The following AOPEP variants were observed in gnomAD, a reference collection of about 807,000 sequenced individuals.
The protein encoded by AOPEP is aminopeptidase O (putative).
Under a neutral mutation model 98.1 loss-of-function variants are expected in AOPEP, and 77 were observed. The observed-to-expected ratio is 0.78, with a 90% confidence interval of 0.65 to 0.95. AOPEP has a LOEUF of 0.95. Ranked by LOEUF, AOPEP falls within the 40% of genes least tolerant of loss-of-function variation. The pLI, the probability that AOPEP is intolerant of heterozygous loss-of-function variation, is 0.00. For synonymous variants in AOPEP, 346 were observed against 365.3 expected (o/e 0.95, Z 0.60); for missense variants, 1,024 against 1,024.7 (o/e 1.00, Z 0.01).
intron 10 of AOPEP, among the ~76,000 whole-genome samples, chr9:94,972,000 C>T (rs529943333): frequency 4.9e-5 from 7 of 142,158 alleles, no homozygotes; most frequent in African/African-American, 1.2e-4. Flanking sequence ...GCAGTGTGGC[C>T]GAGGGCAGTG....
chr9:95,080,266 G>A (rs576411400), intron 14 of AOPEP, among the ~76,000 whole-genome samples: 8 of 152,158 alleles, frequency 5.3e-5, no homozygotes, highest in Non-Finnish European at 1.0e-4. Flanking sequence ...GGTGGCTGAC[G>A]CCTGTAATCC....
At chr9:95,024,790 G>A (rs1397202780) in intron 13 of AOPEP, among the ~76,000 whole-genome samples, 1 of 152,194 alleles carries the variant, frequency 6.6e-6, no homozygotes, top group African/African-American at 2.4e-5. Flanking sequence ...CTCTTCCACA[G>A]CATTTCACTT....
the AOPEP span, chr9:95,150,028 G>T: frequency 6.2e-7 from 1 of 1,614,148 alleles, no homozygotes; most frequent in Admixed American, 1.7e-5. Flanking sequence ...GTCAACATCT[G>T]TCAGGGTAAT....
chr9:94,949,061 C>A (rs1182457478), intron 7 of AOPEP, among the ~76,000 whole-genome samples: 1 of 152,220 alleles, frequency 6.6e-6, no homozygotes, highest in Non-Finnish European at 1.5e-5. Flanking sequence ...GGTGTCTTGG[C>A]TCTCCGTTTT....
chr9:94,976,191 G>C (rs1246135725), intron 10 of AOPEP, among the ~76,000 whole-genome samples: 1 of 152,142 alleles, frequency 6.6e-6, no homozygotes, highest in Non-Finnish European at 1.5e-5. Flanking sequence ...TCCCATCCCA[G>C]CCTTCCACAG....
At chr9:94,917,041 C>T (rs1466733164) in intron 5 of AOPEP, among the ~76,000 whole-genome samples, 3 of 151,770 alleles carry the variant, frequency 2.0e-5, no homozygotes, top group African/African-American at 7.2e-5. Context: ...TTTTTGATGA[C>T]CATAACCGGC....
intron 5 of AOPEP, among the ~76,000 whole-genome samples, chr9:94,893,095 A>C (rs2049060523): frequency 6.6e-6 from 1 of 152,242 alleles, no homozygotes; most frequent in African/African-American, 2.4e-5. Context: ...CCCTTATAGA[A>C]AACTGAGACC....
At chr9:95,148,063 T>C in the AOPEP span, among the ~76,000 whole-genome samples, 3 of 152,148 alleles carry the variant, frequency 2.0e-5, no homozygotes, top group Admixed American at 2.0e-4. Context: ...TGTGTCTCAG[T>C]GGGAATCAGA....
chr9:94,845,998 A>G (rs1478814139), intron 5 of AOPEP, among the ~76,000 whole-genome samples: 1 of 151,972 alleles, frequency 6.6e-6, no homozygotes, highest in African/African-American at 2.4e-5. Flanking sequence ...GGGAGGCTGA[A>G]GCAGGAGAAT....
intron 1 of AOPEP, among the ~76,000 whole-genome samples, chr9:94,737,539 G>A (rs1832054471): frequency 6.6e-6 from 1 of 152,094 alleles, no homozygotes; most frequent in South Asian, 2.1e-4. Flanking sequence ...TTAAATTATT[G>A]CATCAGCATT....
At chr9:95,141,992 T>TG in the AOPEP span, among the ~76,000 whole-genome samples, 1 of 138,846 alleles carries the variant, frequency 7.2e-6, no homozygotes, top group Non-Finnish European at 1.5e-5. Context: ...GGGGTTTTTT[T>TG]TTTTTTTTTT....
intron 5 of AOPEP, 77 bp downstream of exon 5, chr9:94,801,079 C>CT (rs1199787958): frequency 6.6e-7 from 1 of 1,519,426 alleles, no homozygotes; most frequent in African/African-American, 1.4e-5. Context: ...TCCTTGAGCT[C>CT]TGTCAGAGCA....
chr9:94,797,208 C>T (rs1036603416), intron 4 of AOPEP, among the ~76,000 whole-genome samples: 20 of 152,224 alleles, frequency 1.3e-4, no homozygotes, highest in Middle Eastern at 3.4e-3. Flanking sequence ...CCAAGGCGGG[C>T]GGATCACGAG....
intron 9 of AOPEP, among the ~76,000 whole-genome samples, chr9:94,960,643 T>C (rs1488606521): frequency 6.6e-6 from 1 of 152,220 alleles, no homozygotes; most frequent in Non-Finnish European, 1.5e-5. Context: ...ATTCAGCTCT[T>C]TGCTGGCTGA....
At chr9:94,780,712 C>T (rs568072197) in intron 3 of AOPEP, among the ~76,000 whole-genome samples, 3 of 152,310 alleles carry the variant, frequency 2.0e-5, no homozygotes, top group Non-Finnish European at 4.4e-5. Context: ...CATGTTTTCT[C>T]GATTGGCAGA....
At chr9:94,880,341 T>TTTTTTC (rs1375033920) in intron 5 of AOPEP, among the ~76,000 whole-genome samples, 1 of 151,958 alleles carries the variant, frequency 6.6e-6, no homozygotes, top group Non-Finnish European at 1.5e-5. Context: ...ATTTGTCTTT[T>TTTTTTC]TTTTTCTTTT....
At chr9:94,916,694 CAA>C (rs560271736) in intron 5 of AOPEP, among the ~76,000 whole-genome samples, 18 of 99,870 alleles carry the variant, frequency 1.8e-4, no homozygotes, top group African/African-American at 4.9e-4. Flanking sequence ...GACTCCCTCT[CAA>C]AAAAAAAAAA....
At chr9:95,023,574 GTCTTTGTGAGC>G (rs1250041975) in intron 13 of AOPEP, among the ~76,000 whole-genome samples, 1 of 152,210 alleles carries the variant, frequency 6.6e-6, no homozygotes, top group Non-Finnish European at 1.5e-5. Flanking sequence ...TTTGGTTGAG[GTCTTTGTGAGC>G]TCAATTTACA....
chr9:95,072,296 G>A (rs2068592115), intron 14 of AOPEP, among the ~76,000 whole-genome samples: 1 of 152,214 alleles, frequency 6.6e-6, no homozygotes, highest in African/African-American at 2.4e-5. Context: ...GGCTCTTGAA[G>A]GAAAAAATTT....
Sources: allele counts gnomAD v4.1 joint callset (sites outside exome capture counted in the v4.1 genomes callset), GRCh38; gene constraint gnomAD v4.1.1; transcripts MANE v1.5; gene names NCBI Gene and HGNC (gene_info 2026-07-23, HGNC 2026-07-21).